The following CCDC181 variants were observed in gnomAD, a reference collection of about 807,000 sequenced individuals.
The protein encoded by CCDC181 is coiled-coil domain-containing protein 181.
Under a neutral mutation model 58.7 loss-of-function variants are expected in CCDC181, and 35 were observed. The observed-to-expected ratio is 0.60, with a 90% CI of 0.46 to 0.79. CCDC181 has a LOEUF of 0.79. CCDC181 is among the 30% of genes least tolerant of loss of function. The probability of loss-of-function intolerance (pLI) is 0.00; values close to 1 mark genes in which losing one functional copy is unlikely to be tolerated. For synonymous variants in CCDC181, 183 were observed against 197.5 expected (o/e 0.93, Z 0.62); for missense variants, 517 against 583.9 (o/e 0.89, Z 1.18).
intron 1 of CCDC181, among the ~76,000 whole-genome samples, chr1:169,425,203 C>T (rs1656662864): frequency 6.6e-6 from 1 of 152,062 alleles, no homozygotes; most frequent in Admixed American, 6.5e-5. Flanking sequence ...TTCCTTTTCC[C>T]TCTCAAGATA....
At chr1:169,458,270 A>T (rs1409228430) in intron 2 of CCDC181, among the ~76,000 whole-genome samples, 1 of 150,808 alleles carries the variant, frequency 6.6e-6, no homozygotes, top group African/African-American at 2.4e-5. Flanking sequence ...ATAGGAGGTG[A>T]ATTGCTCGGT....
rs559516205 is a variant in CCDC181 at position 169,401,342 on chromosome 1, A to G, written c.1216-3951T>C. On this transcript the variant is annotated intron_variant, in intron 4 of 5. Coordinates refer to ENST00000367806, the MANE Select transcript of CCDC181 (RefSeq NM_001300969.2). ...GAGTTTGAGATCTGAGAAAGGACAG[A>G]CTGCCTCCTCAAGTGGGTCCCTGAC... 1.6e-4 allele frequency among the ~76,000 whole-genome samples: 24 copies of G among 152,322 alleles called. No homozygotes were observed. The South Asian group carries it at 3.3e-3, about 21-fold the overall frequency.
chr1:169,414,981 A>C (rs1023852382), intron 4 of CCDC181, among the ~76,000 whole-genome samples: 4 of 152,212 alleles, frequency 2.6e-5, no homozygotes, highest in Non-Finnish European at 5.9e-5. Flanking sequence ...AAAATACTAC[A>C]TATTCAAAAT....
At chr1:169,397,047 CAT>C (rs1655077124) in intron 5 of CCDC181, among the ~76,000 whole-genome samples, 188 bp downstream of exon 5, 1 of 150,214 alleles carries the variant, frequency 6.7e-6, no homozygotes, top group Non-Finnish European at 1.5e-5. Context: ...TATATAACTC[CAT>C]ATATATAATA....
chr1:169,433,258 GAATT>G (rs1040599392), intron 2 of CCDC181, among the ~76,000 whole-genome samples: 4 of 151,994 alleles, frequency 2.6e-5, no homozygotes, highest in African/African-American at 9.6e-5. Context: ...AAATACTTAA[GAATT>G]AACTAAATGG....
chr1:169,401,202 T>G (rs1655326031), intron 4 of CCDC181, among the ~76,000 whole-genome samples: 1 of 152,212 alleles, frequency 6.6e-6, no homozygotes, highest in Admixed American at 6.5e-5. Flanking sequence ...TGCCTGCCTC[T>G]GTAGACTCTA....
chr1:169,417,012 T>G (rs760603), intron 4 of CCDC181, among the ~76,000 whole-genome samples: 101,635 of 152,006 alleles, frequency 0.67, 34,206 homozygotes, highest in East Asian at 0.93. Context: ...ATTCACAGAA[T>G]AATACACACG....
intron 2 of CCDC181, among the ~76,000 whole-genome samples, chr1:169,440,768 C>T (rs1449487370): frequency 6.6e-6 from 1 of 151,232 alleles, no homozygotes; most frequent in African/African-American, 2.4e-5. Context: ...AATACAGAAA[C>T]AAAACAAAAC....
At chr1:169,436,218 C>G (rs1262081850) in intron 2 of CCDC181, among the ~76,000 whole-genome samples, 2 of 151,282 alleles carry the variant, frequency 1.3e-5, no homozygotes, top group Non-Finnish European at 2.9e-5. Context: ...TACTCTGACA[C>G]CAGAAAAAAA....
intron 4 of CCDC181, among the ~76,000 whole-genome samples, chr1:169,403,771 A>T (rs149589084): frequency 0.02 from 3,080 of 152,346 alleles, 67 homozygotes; most frequent in Admixed American, 0.069. Flanking sequence ...AAGAGCAAAC[A>T]CATTCAAAAG....
At chr1:169,426,405 T>A (rs1411765754) in intron 1 of CCDC181, among the ~76,000 whole-genome samples, 4 of 152,186 alleles carry the variant, frequency 2.6e-5, no homozygotes, top group Admixed American at 2.0e-4. Flanking sequence ...ATTTCAACAT[T>A]TATCATCAGT....
chr1:169,414,544 G>C (rs1414694538), intron 4 of CCDC181, among the ~76,000 whole-genome samples: 1 of 152,118 alleles, frequency 6.6e-6, no homozygotes, highest in Non-Finnish European at 1.5e-5. Flanking sequence ...GGTTAACATA[G>C]ATAGACTATA....
At chr1:169,404,855 AGAG>A (rs1450215517) in intron 4 of CCDC181, among the ~76,000 whole-genome samples, 1 of 152,226 alleles carries the variant, frequency 6.6e-6, no homozygotes. Context: ...AATTAGGAAA[AGAG>A]GAAGTCAAAT....
At chr1:169,460,530 A>T (rs1657817219) in exon 1 of CCDC181, 1 of 152,344 alleles carries the variant, frequency 6.6e-6, no homozygotes, top group African/African-American at 2.4e-5. Flanking sequence ...CACGCGGAGA[A>T]GGGGTAGGTA....
At chr1:169,432,253 G>C (rs1656941213), upstream of CCDC181, among the ~76,000 whole-genome samples, 1 of 152,034 alleles carries the variant, frequency 6.6e-6, no homozygotes, top group Non-Finnish European at 1.5e-5. Flanking sequence ...GCAGAAGAAA[G>C]AATCAGTGAA....
intron 4 of CCDC181, among the ~76,000 whole-genome samples, chr1:169,405,837 C>A (rs1045776355): frequency 6.6e-6 from 1 of 152,062 alleles, no homozygotes; most frequent in Non-Finnish European, 1.5e-5. Context: ...TTCTGCACAG[C>A]AAAAGAAACT....
chr1:169,411,178 G>A (rs1042758863), intron 4 of CCDC181, among the ~76,000 whole-genome samples: 1 of 151,876 alleles, frequency 6.6e-6, no homozygotes, highest in Admixed American at 6.6e-5. Flanking sequence ...GAATCAAATA[G>A]ACACAATAAA....
intron 4 of CCDC181, among the ~76,000 whole-genome samples, chr1:169,414,250 T>C (rs1166611829): frequency 6.6e-6 from 1 of 152,168 alleles, no homozygotes; most frequent in Non-Finnish European, 1.5e-5. Flanking sequence ...CATTTCATAA[T>C]GGGAAAAGGT....
chr1:169,445,327 TTGCTGAGAGA>T (rs1472153790), intron 2 of CCDC181, among the ~76,000 whole-genome samples: 2 of 152,228 alleles, frequency 1.3e-5, no homozygotes, highest in African/African-American at 4.8e-5. Flanking sequence ...TATTCCTCGT[TTGCTGAGAGA>T]TTTTGTCATG....
Sources: gnomAD v4.1 joint callset for allele counts (sites outside exome capture counted in the v4.1 genomes callset) on GRCh38, gnomAD v4.1.1 for gene constraint, MANE v1.5 for transcripts, NCBI Gene and HGNC (gene_info 2026-07-23, HGNC 2026-07-21) for gene names.